PRDM16: variants seen among roughly 807,000 people sequenced by gnomAD.
The protein encoded by PRDM16 is PR/SET domain 16, also known as histone-lysine N-methyltransferase PRDM16.
Under a neutral mutation model 110.6 loss-of-function variants are expected in PRDM16, and 23 were observed. The observed-to-expected ratio is 0.21, with a 90% CI of 0.15 to 0.29. The LOEUF (loss-of-function observed/expected upper bound fraction) is 0.29. Ranked by LOEUF, PRDM16 falls within the 10% of genes least tolerant of loss-of-function variation. The probability of loss-of-function intolerance (pLI) is 1.00; values close to 1 mark genes in which losing one functional copy is unlikely to be tolerated. For missense variants in PRDM16, 1,615 were observed against 1,794.3 expected (o/e 0.90, Z 1.81); for synonymous variants, 799 against 781.8 (o/e 1.02, Z -0.37).
In PRDM16 at chr1:3,125,356, G is replaced by A. The variant is rs571735449; in HGVS notation, c.37+56060G>A. On this transcript the variant is annotated intron_variant, in intron 1 of 16. Transcript: ENST00000270722. ...CGCTGATTGGATGGGCAAAGAGGAC[G>A]GTCCTCCTGTCCTTTCTGGAAGTGG... 2.6e-4 allele frequency among the ~76,000 whole-genome samples: 39 copies of A among 152,370 alleles called. 1 individual carries two copies. Among genetic ancestry groups the A allele is most frequent in the African/African-American group, 7.9e-4 (33 of 41,598 alleles).
chr1:3,152,718 G>A (rs569937630), intron 1 of PRDM16, among the ~76,000 whole-genome samples: 53 of 152,356 alleles, frequency 3.5e-4, no homozygotes, highest in African/African-American at 1.3e-3. Flanking sequence ...TCTGATGCGT[G>A]GCTGGGCCAG....
rs1159006049 is a variant in PRDM16, at chr1:3,114,830, AT to A, written c.37+45536del. Among the ~76,000 whole-genome samples the A allele has an allele frequency of 3.3e-5, 5 of 152,234 alleles. 1 individual carries two copies. The highest frequency in any genetic ancestry group is 7.3e-5 in the Non-Finnish European group (5 of 68,028). ...CAGACCATCCCAGGTCAGCCCTGCA[AT>A]TGATCTCCAGAGTCCCAGATGTTGT... On this transcript the variant is annotated intron_variant, in intron 1 of 16. Transcript: ENST00000270722.
intron 2 of PRDM16, among the ~76,000 whole-genome samples, chr1:3,218,851 C>T (rs1639089630): frequency 6.6e-6 from 1 of 152,218 alleles, no homozygotes; most frequent in Non-Finnish European, 1.5e-5. Flanking sequence ...GCTCAGAAAT[C>T]CCGTAACCCA....
chr1:3,088,901 G>C (rs59076512), intron 1 of PRDM16, among the ~76,000 whole-genome samples: 1 of 152,044 alleles, frequency 6.6e-6, no homozygotes, highest in Non-Finnish European at 1.5e-5. Context: ...TTCTGCCTCA[G>C]CCTCCTGAGT....
rs1484106420 is a variant in PRDM16, at chr1:3,201,995, A to C, written c.387+15521A>C. On this transcript the variant is annotated intron_variant, in intron 2 of 16. Coordinates refer to ENST00000270722, the MANE Select transcript of PRDM16 (RefSeq NM_022114.4). This position sits in a 1 kb window ranked among gnomAD's most constrained non-coding sequence, Gnocchi z 4.1. Reference sequence around the variant, plus strand: ...ACATAATAGTGGGTCCCACACGTCCATGAGGCAGGGGACGCCCTCACAGTG... The same window carrying C: ...ACATAATAGTGGGTCCCACACGTCCCTGAGGCAGGGGACGCCCTCACAGTG... 1.3e-5 allele frequency among the ~76,000 whole-genome samples: 2 copies of C among 152,052 alleles called. No individual in the cohort carries two copies. The highest frequency in any genetic ancestry group is 2.9e-5 in the Non-Finnish European group (2 of 67,990).
intron 4 of PRDM16, among the ~76,000 whole-genome samples, chr1:3,395,425 G>A (rs548752010): frequency 3.3e-5 from 5 of 152,146 alleles, no homozygotes; most frequent in African/African-American, 9.7e-5. Flanking sequence ...CCCAGGTCTC[G>A]CAGGGGCAGG....
At position 3,208,823 on chromosome 1, in the gene PRDM16, C is replaced by T. The variant is rs939328605; in HGVS notation, c.387+22349C>T. Among the ~76,000 whole-genome samples, 2 of 152,226 alleles carry T rather than the reference C, an allele frequency of 1.3e-5. No homozygotes were observed. Among genetic ancestry groups the T allele is most frequent in the African/African-American group, 4.8e-5 (2 of 41,458 alleles). ...TGGGGTTTGTCCTTTGGAACCATCTCCACCCCCTGAAGCCATCTCCTCTTG... is the reference window on the plus strand; with the variant it reads ...TGGGGTTTGTCCTTTGGAACCATCTTCACCCCCTGAAGCCATCTCCTCTTG... On this transcript the variant is annotated intron_variant, in intron 2 of 16. Transcript: ENST00000270722. This position sits in a 1 kb window ranked among gnomAD's most constrained non-coding sequence, Gnocchi z 6.1.
intron 1 of PRDM16, among the ~76,000 whole-genome samples, chr1:3,174,703 C>A (rs967479663): frequency 2.0e-5 from 3 of 152,066 alleles, no homozygotes; most frequent in Admixed American, 6.5e-5. Flanking sequence ...GGGGAAATTT[C>A]TGTGCTTCGG....
chr1:3,266,339 C>G (rs377115186), intron 3 of PRDM16, among the ~76,000 whole-genome samples: 8 of 152,172 alleles, frequency 5.3e-5, no homozygotes, highest in African/African-American at 1.7e-4. Context: ...CAAGGCCGGC[C>G]GAGCACCCGT....
chr1:3,281,944 A>C (rs1569987196), intron 3 of PRDM16, among the ~76,000 whole-genome samples: 1 of 152,312 alleles, frequency 6.6e-6, no homozygotes, highest in Admixed American at 6.5e-5. Flanking sequence ...GGGCGCCCGC[A>C]GCCCTGGATG....
rs781655958 is a variant in PRDM16 at position 3,404,838 on chromosome 1, G to A, written c.984G>A (p.Gln328=). The A allele has an allele frequency of 4.3e-6, 7 of 1,613,552 alleles. No individual in the cohort carries two copies. The South Asian group carries it at 7.7e-5, about 18-fold the overall frequency. ...GGAAGTCCAACCTCATCCGCCACCA[G>A]ATGTCCCACGACAGCGGCAAACGCT... The part of the protein sequence containing the change: ...FNWKSNLIRH[Q]MSHDSGKRFE... The change falls in exon 7 of 17, where the codon CAG becomes CAA. Residue 328 remains glutamine, a synonymous_variant. Coordinates refer to ENST00000270722, the MANE Select transcript of PRDM16 (RefSeq NM_022114.4).
chr1:3,192,872 CT>C (rs150442902), intron 2 of PRDM16, among the ~76,000 whole-genome samples: 1,848 of 152,276 alleles, frequency 0.012, 69 homozygotes, highest in East Asian at 0.099. Context: ...GCCAGCAGTG[CT>C]GGCCTCCCTG....
At chr1:3,405,736 C>G in intron 8 of PRDM16, 88 bp downstream of exon 8, 4 of 1,364,346 alleles carry the variant, frequency 2.9e-6, no homozygotes, top group Non-Finnish European at 3.9e-6. Context: ...CCCAAGGTCT[C>G]CCCCGATCCG....
At chr1:3,101,044 G>T (rs1233691617) in intron 1 of PRDM16, among the ~76,000 whole-genome samples, 2 of 152,150 alleles carry the variant, frequency 1.3e-5, no homozygotes, top group African/African-American at 4.8e-5. Context: ...GGATGCCCTC[G>T]GCGGGAGTGG....
intron 1 of PRDM16, among the ~76,000 whole-genome samples, chr1:3,121,154 G>A (rs1458087171): frequency 3.3e-5 from 5 of 152,152 alleles, no homozygotes; most frequent in East Asian, 1.9e-4. Context: ...TGCCCGTCAC[G>A]GAGCCCGCAG....
At chr1:3,161,660 C>T (rs1269104176) in intron 1 of PRDM16, among the ~76,000 whole-genome samples, 3 of 152,224 alleles carry the variant, frequency 2.0e-5, no homozygotes, top group Admixed American at 1.3e-4. Flanking sequence ...GCGGAGAGGC[C>T]GGTCAGCAGA....
chr1:3,080,856 A>AC lies in PRDM16; in HGVS notation c.37+11563dup, dbSNP rs1642007239. 6.6e-6 allele frequency among the ~76,000 whole-genome samples: 1 copy of AC among 151,816 alleles called. No individual in the cohort carries two copies. Among genetic ancestry groups the AC allele is most frequent in the African/African-American group, 2.4e-5 (1 of 41,304 alleles). On this transcript the variant is annotated intron_variant, in intron 1 of 16. Coordinates refer to ENST00000270722, the MANE Select transcript of PRDM16 (RefSeq NM_022114.4). This position sits in a 1 kb window ranked among gnomAD's most constrained non-coding sequence, Gnocchi z 5.2. ...GAGCCCCAGAGACTCGGCGTCTCCG[A>AC]CCCTGAGCCCACATGAGTAGCAGAA... is the stretch of plus-strand genomic sequence containing the variant.
At position 3,080,620 on chromosome 1, in the gene PRDM16, A is replaced by G. The variant is rs888453978; in HGVS notation, c.37+11324A>G. Among the ~76,000 whole-genome samples the G allele has an allele frequency of 1.3e-5, 2 of 151,980 alleles. No homozygotes were observed. The highest frequency in any genetic ancestry group is 4.8e-5 in the African/African-American group (2 of 41,356). On this transcript the variant is annotated intron_variant, in intron 1 of 16. Coordinates refer to ENST00000270722, the MANE Select transcript of PRDM16 (RefSeq NM_022114.4). This position sits in a 1 kb window ranked among gnomAD's most constrained non-coding sequence, Gnocchi z 5.2. Reference sequence around the variant, plus strand: ...TTTTGTTTCATCAACTCGGCTGACAATCCATTTTGCAAAAACGGGAGGCCC... The same window carrying G: ...TTTTGTTTCATCAACTCGGCTGACAGTCCATTTTGCAAAAACGGGAGGCCC...
At chr1:3,181,346 A>AAG (rs1279192233) in intron 1 of PRDM16, among the ~76,000 whole-genome samples, 32 of 96,862 alleles carry the variant, frequency 3.3e-4, no homozygotes, top group African/African-American at 9.3e-4. Flanking sequence ...AGTCTTACAC[A>AAG]CGGTCTTACA....
Sources: allele counts gnomAD v4.1 joint callset (sites outside exome capture counted in the v4.1 genomes callset), GRCh38; gene constraint gnomAD v4.1.1; non-coding constraint Gnocchi (gnomAD v3.1); transcripts MANE v1.5; gene names NCBI Gene and HGNC (gene_info 2026-07-23, HGNC 2026-07-21).